TRPC4: variants seen among roughly 807,000 people sequenced by gnomAD.
TRPC4 encodes the protein short transient receptor potential channel 4.
In TRPC4, 49 loss-of-function variants were observed where a neutral mutation model predicts 99.4. That is an observed-to-expected ratio of 0.49 (90% CI 0.39 to 0.63). The LOEUF is 0.63. TRPC4 is among the 20% of genes least tolerant of loss of function. The pLI, the probability that TRPC4 is intolerant of heterozygous loss-of-function variation, is 0.00. For synonymous variants in TRPC4, 454 were observed against 425.9 expected, an observed-to-expected ratio of 1.07 and a Z score of -0.81; for missense variants, 898 against 1,152.9, an observed-to-expected ratio of 0.78 and a Z score of 3.20.
intron 1 of TRPC4, among the ~76,000 whole-genome samples, chr13:37,860,133 C>T (rs1959222659): frequency 6.6e-6 from 1 of 151,242 alleles, no homozygotes; most frequent in Non-Finnish European, 1.5e-5. Flanking sequence ...GGAAAATGAA[C>T]TGAAAGTACT....
chr13:37,709,027 A>G (rs1409449202), intron 3 of TRPC4, among the ~76,000 whole-genome samples: 1 of 152,030 alleles, frequency 6.6e-6, no homozygotes, highest in Non-Finnish European at 1.5e-5. Flanking sequence ...AGGTCTTCCC[A>G]GAGAAGGAAA....
intron 1 of TRPC4, among the ~76,000 whole-genome samples, chr13:37,840,243 A>G (rs1166324232): frequency 2.0e-5 from 3 of 152,140 alleles, no homozygotes; most frequent in Non-Finnish European, 4.4e-5. Flanking sequence ...AATGGGCTGT[A>G]GAAAGGCAAT....
intron 2 of TRPC4, among the ~76,000 whole-genome samples, chr13:37,765,091 G>T (rs1012739805): frequency 6.6e-6 from 1 of 151,144 alleles, no homozygotes; most frequent in Non-Finnish European, 1.5e-5. Context: ...TCTTAAATAT[G>T]TTAATATTTT....
intron 4 of TRPC4, among the ~76,000 whole-genome samples, chr13:37,679,580 T>C (rs988686475): frequency 6.9e-6 from 1 of 145,168 alleles, no homozygotes; most frequent in African/African-American, 2.9e-5. Flanking sequence ...TTTGTTTTTA[T>C]ATTTTGTTAT....
intron 1 of TRPC4, among the ~76,000 whole-genome samples, chr13:37,800,355 C>T (rs1957369606): frequency 6.6e-6 from 1 of 152,110 alleles, no homozygotes; most frequent in South Asian, 2.1e-4. Context: ...AGGTGCACAC[C>T]ACTGCATCTG....
At chr13:37,818,999 A>G (rs2139519836) in intron 1 of TRPC4, among the ~76,000 whole-genome samples, 1 of 152,046 alleles carries the variant, frequency 6.6e-6, no homozygotes, top group Middle Eastern at 3.4e-3. Flanking sequence ...AATTTTTAAA[A>G]ACCATTAATA....
At chr13:37,842,162 C>T (rs1413134001) in intron 1 of TRPC4, among the ~76,000 whole-genome samples, 3 of 150,126 alleles carry the variant, frequency 2.0e-5, no homozygotes, top group Non-Finnish European at 3.0e-5. Context: ...CCCAGATACT[C>T]GGGAGGCTGA....
intron 3 of TRPC4, among the ~76,000 whole-genome samples, chr13:37,740,873 A>G (rs770927554): frequency 2.1e-4 from 32 of 152,158 alleles, no homozygotes; most frequent in Admixed American, 5.9e-4. Context: ...CATTCCCCCA[A>G]GACTGGATAA....
At chr13:37,685,859 T>C (rs1348876476) in intron 4 of TRPC4, among the ~76,000 whole-genome samples, 1 of 152,180 alleles carries the variant, frequency 6.6e-6, no homozygotes, top group Admixed American at 6.5e-5. Flanking sequence ...CATTAATATC[T>C]CATTGTTTGA....
At chr13:37,720,186 A>G (rs1314073731) in intron 3 of TRPC4, among the ~76,000 whole-genome samples, 2 of 152,158 alleles carry the variant, frequency 1.3e-5, no homozygotes, top group Non-Finnish European at 2.9e-5. Context: ...CTTGCATCGT[A>G]TTTTTGACAT....
intron 4 of TRPC4, among the ~76,000 whole-genome samples, chr13:37,689,588 T>A (rs573174852): frequency 1.3e-4 from 20 of 152,320 alleles, no homozygotes; most frequent in African/African-American, 4.6e-4. Context: ...CTTGAGACAA[T>A]GTTGCCTATA....
intron 4 of TRPC4, among the ~76,000 whole-genome samples, chr13:37,687,042 G>A (rs1370457618): frequency 6.6e-6 from 1 of 151,702 alleles, no homozygotes; most frequent in Non-Finnish European, 1.5e-5. Flanking sequence ...TCGGCTCACT[G>A]CAACCTCTGC....
chr13:37,791,948 G>A (rs991233091), intron 1 of TRPC4, among the ~76,000 whole-genome samples: 1 of 152,180 alleles, frequency 6.6e-6, no homozygotes, highest in Non-Finnish European at 1.5e-5. Context: ...GAAGAGATGA[G>A]TCTGCAGAGC....
At chr13:37,762,773 T>C (rs1159509766) in intron 2 of TRPC4, among the ~76,000 whole-genome samples, 2 of 145,944 alleles carry the variant, frequency 1.4e-5, no homozygotes, top group East Asian at 2.1e-4. Context: ...TGCTAAATGA[T>C]GAGTTAATGG....
chr13:37,833,662 T>G (rs1482877454), intron 1 of TRPC4, among the ~76,000 whole-genome samples: 1 of 152,132 alleles, frequency 6.6e-6, no homozygotes, highest in South Asian at 2.1e-4. Flanking sequence ...GTAAGATATT[T>G]CTGGCATCTC....
At chr13:37,700,711 T>C (rs1330721503) in intron 3 of TRPC4, among the ~76,000 whole-genome samples, 1 of 152,180 alleles carries the variant, frequency 6.6e-6, no homozygotes, top group Non-Finnish European at 1.5e-5. Context: ...AAAGTTGATA[T>C]CACAGAATGG....
intron 5 of TRPC4, among the ~76,000 whole-genome samples, chr13:37,670,024 A>C (rs1019832645): frequency 6.6e-6 from 1 of 152,112 alleles, no homozygotes. Context: ...CCTTATAAGG[A>C]GACACACCAA....
chr13:37,686,030 T>TTGTG (rs1953461786), intron 4 of TRPC4, among the ~76,000 whole-genome samples: 1 of 152,124 alleles, frequency 6.6e-6, no homozygotes, highest in African/African-American at 2.4e-5. Flanking sequence ...AGTCTGCAGC[T>TTGTG]TGTGTTTGAG....
rs1462731107 is a variant in TRPC4, at chr13:37,835,974, G to A, written c.-28+33621C>T. 2.6e-5 allele frequency among the ~76,000 whole-genome samples: 4 copies of A among 152,076 alleles called. No homozygotes were observed. The East Asian group carries it at 5.8e-4, about 22-fold the overall frequency. On this transcript the variant is annotated intron_variant, in intron 1 of 10. Coordinates refer to ENST00000379705, the MANE Select transcript of TRPC4 (RefSeq NM_016179.4). ...TTAAATTCCTGCATATTGTGGGAGGGTCCCAGTGGGAGGTAATTGAATCAT... is the reference window on the plus strand; with the variant it reads ...TTAAATTCCTGCATATTGTGGGAGGATCCCAGTGGGAGGTAATTGAATCAT...
Sources: gnomAD v4.1 joint callset for allele counts (sites outside exome capture counted in the v4.1 genomes callset) on GRCh38, gnomAD v4.1.1 for gene constraint, MANE v1.5 for transcripts, NCBI Gene and HGNC (gene_info 2026-07-23, HGNC 2026-07-21) for gene names.